Variants in SUCLG2 observed in about 807,000 individuals in gnomAD.
SUCLG2 encodes succinate-CoA ligase GDP-forming subunit beta.
SUCLG2 carries 42 observed loss-of-function variants against 47.9 expected under a neutral mutation model. The observed-to-expected ratio is 0.88, with a 90% CI of 0.69 to 1.14. The LOEUF (loss-of-function observed/expected upper bound fraction) is 1.14. Among genes scored for constraint, SUCLG2 ranks in the 50% most tolerant of loss-of-function variants. SUCLG2 has a pLI of 0.00. For synonymous variants in SUCLG2, 195 were observed against 197.3 expected (o/e 0.99, Z 0.10); for missense variants, 571 against 525.9 (o/e 1.09, Z -0.84).
At chr3:67,364,548 C>A (rs976961210) in intron 10 of SUCLG2, among the ~76,000 whole-genome samples, 1 of 152,102 alleles carries the variant, frequency 6.6e-6, no homozygotes, top group Non-Finnish European at 1.5e-5. Flanking sequence ...TCAGTGGAGG[C>A]GTAATGAAAA....
At chr3:67,506,414 C>A (rs1256168220) in intron 7 of SUCLG2, among the ~76,000 whole-genome samples, 1 of 152,064 alleles carries the variant, frequency 6.6e-6, no homozygotes, top group Non-Finnish European at 1.5e-5. Context: ...TAATTTTGCT[C>A]TTAAAAATAT....
rs762900833 is a variant in SUCLG2, at chr3:67,549,076, G to A, written c.227-19890C>T. The stretch of plus-strand genomic sequence containing the variant: ...TTATATATAAGTTTTTTATAGTAAT[G>A]ATGTTGTGTAAGCTCAGTGGAAATT... On this transcript the variant is annotated intron_variant, in intron 2 of 10. Transcript: ENST00000307227. Among the ~76,000 whole-genome samples, 12 of 152,256 alleles carry A rather than the reference G, an allele frequency of 7.9e-5. No individual in the cohort carries two copies. In the South Asian group the frequency reaches 8.3e-4, roughly 11 times the overall value.
At chr3:67,408,792 A>G in intron 9 of SUCLG2, 1 of 1,347,080 alleles carries the variant, frequency 7.4e-7, no homozygotes, top group East Asian at 2.7e-5. Context: ...TTCCCTGGTA[A>G]ATAAACTCAA....
Position 67,654,565 on chromosome 3 carries a change from G to C in SUCLG2, c.22C>G (p.Gln8Glu), listed in dbSNP as rs767287265. ...AGGGCTCGCAGAAGCTTCCCGGCCT[G>C]CGCTGCTACGGGGGACGCCATCTTA... MASPVAAQAGKLLRALAL... is the reference protein window; with the variant it reads MASPVAAEAGKLLRALAL... The change falls in exon 1 of 11, where the codon CAG becomes GAG. Residue 8 changes from glutamine (Q) to glutamate (E), a missense_variant. By Grantham distance (29) the Gln-to-Glu change is conservative (BLOSUM62 2). Transcript: ENST00000307227. 7 of 1,273,798 alleles carry C rather than the reference G, an allele frequency of 5.5e-6. No individual in the cohort carries two copies. The highest frequency in any genetic ancestry group is 6.0e-6 in the Non-Finnish European group (6 of 1,007,254). The allele number at this position is 1,273,798 out of a possible 1,614,324, so 78.9% of individuals were successfully genotyped here. A position where few individuals can be genotyped will look rare whatever the true frequency, so the allele number is the denominator to read the frequency against.
intron 9 of SUCLG2, among the ~76,000 whole-genome samples, chr3:67,423,712 C>T (rs1423542060): frequency 6.6e-6 from 1 of 152,178 alleles, no homozygotes; most frequent in Non-Finnish European, 1.5e-5. Context: ...CTTATTTCCG[C>T]TATTTTAAAA....
chr3:67,493,838 A>G (rs1201229415), intron 9 of SUCLG2, among the ~76,000 whole-genome samples: 1 of 152,230 alleles, frequency 6.6e-6, no homozygotes, highest in Non-Finnish European at 1.5e-5. Flanking sequence ...GTGAATTAAT[A>G]CATGATTAGA....
chr3:67,446,529 C>T (rs1703931465), intron 9 of SUCLG2, among the ~76,000 whole-genome samples: 1 of 140,302 alleles, frequency 7.1e-6, no homozygotes, highest in African/African-American at 2.7e-5. Context: ...CTCCCGGGTT[C>T]AGGGATTCTC....
In SUCLG2 at chr3:67,444,278, G is replaced by A. The variant is rs1381152947; in HGVS notation, c.1063-43427C>T. Among the ~76,000 whole-genome samples, 426 of 71,870 alleles carry A rather than the reference G, an allele frequency of 5.9e-3. 7 individuals are homozygous for A. Among genetic ancestry groups the A allele is most frequent in the African/African-American group, 0.02 (404 of 19,748 alleles). The allele number at this position is 71,870 out of a possible 152,430, so 47.1% of individuals were successfully genotyped here. A position where few individuals can be genotyped will look rare whatever the true frequency, so the allele number is the denominator to read the frequency against. On this transcript the variant is annotated intron_variant, in intron 9 of 10. Coordinates refer to ENST00000307227, the MANE Select transcript of SUCLG2 (RefSeq NM_003848.4). ...GCCCGGCCAGCCACCCCGTCCAGGA[G>A]GGAGATGGGGGGGTCAGCCCTCCCA... is the stretch of plus-strand genomic sequence containing the variant.
intron 9 of SUCLG2, among the ~76,000 whole-genome samples, chr3:67,428,725 A>T (rs1280898894): frequency 6.6e-6 from 1 of 152,218 alleles, no homozygotes; most frequent in Non-Finnish European, 1.5e-5. Context: ...CAAATGGCTA[A>T]CTAGAATAAA....
intron 6 of SUCLG2, among the ~76,000 whole-genome samples, chr3:67,516,512 C>G (rs9871515): frequency 3.1e-4 from 47 of 152,322 alleles, no homozygotes; most frequent in African/African-American, 9.9e-4. Context: ...GCAGATTTTG[C>G]CCACTCCAGA....
chr3:67,621,225 G>C (rs1385045696), intron 1 of SUCLG2, among the ~76,000 whole-genome samples: 1 of 152,072 alleles, frequency 6.6e-6, no homozygotes, highest in Non-Finnish European at 1.5e-5. Context: ...CTAGACTATA[G>C]AGAAGGGCAG....
intron 2 of SUCLG2, among the ~76,000 whole-genome samples, chr3:67,564,346 G>C (rs1311291661): frequency 6.6e-6 from 1 of 151,870 alleles, no homozygotes; most frequent in African/African-American, 2.4e-5. Flanking sequence ...TACTCACTCT[G>C]ATCTTTACCT....
intron 2 of SUCLG2, among the ~76,000 whole-genome samples, chr3:67,603,063 A>G (rs539128658): frequency 5.9e-5 from 9 of 152,254 alleles, no homozygotes; most frequent in African/African-American, 2.2e-4. Context: ...TACCGCTTCA[A>G]CCTCTCATGG....
intron 2 of SUCLG2, among the ~76,000 whole-genome samples, chr3:67,579,106 C>A (rs777318003): frequency 1.1e-4 from 17 of 152,056 alleles, no homozygotes; most frequent in Non-Finnish European, 2.2e-4. Flanking sequence ...ATGTTATGTG[C>A]AATATCAGAA....
rs944329953 is a variant in SUCLG2, at chr3:67,594,329, C to T, written c.226+15126G>A. 5.3e-5 allele frequency among the ~76,000 whole-genome samples: 8 copies of T among 152,320 alleles called. 1 individual carries two copies. Among genetic ancestry groups the T allele is most frequent in the Admixed American group, 3.9e-4 (6 of 15,304 alleles). On this transcript the variant is annotated intron_variant, in intron 2 of 10. Transcript: ENST00000307227. ...AAGCCTTATATGATCTGGGCTCCAA[C>T]CCATTTGCCAGACCTCACCATACTA...
rs753950114 is a variant in SUCLG2, at chr3:67,518,251, C to CT, written c.655dup (p.Ser219LysfsTer12). 2 of 1,611,040 alleles carry CT rather than the reference C, an allele frequency of 1.2e-6. No homozygotes were observed. Among genetic ancestry groups the CT allele is most frequent in the South Asian group, 2.2e-5 (2 of 90,458 alleles). The stretch of plus-strand genomic sequence containing the variant: ...ATCCCCCAATGGCTTATATACCTGG[C>CT]TTTTCAAAGGCCCAACGAAGCCTAG... On this transcript the variant is annotated frameshift_variant, in exon 6 of 11. Coordinates refer to ENST00000307227, the MANE Select transcript of SUCLG2 (RefSeq NM_003848.4). LOFTEE classifies it high-confidence loss of function.
chr3:67,481,264 C>T (rs1243986842), intron 9 of SUCLG2, among the ~76,000 whole-genome samples: 3 of 152,192 alleles, frequency 2.0e-5, no homozygotes, highest in Admixed American at 6.5e-5. Flanking sequence ...CCTAAAACAG[C>T]TCACAAACAG....
intron 2 of SUCLG2, among the ~76,000 whole-genome samples, chr3:67,586,300 A>C (rs1415913216): frequency 6.6e-6 from 1 of 152,232 alleles, no homozygotes; most frequent in Non-Finnish European, 1.5e-5. Context: ...AGTTCAGTGA[A>C]TAGTACCAGT....
chr3:67,451,413 T>G (rs1479515043), intron 9 of SUCLG2, among the ~76,000 whole-genome samples: 1 of 152,192 alleles, frequency 6.6e-6, no homozygotes, highest in African/African-American at 2.4e-5. Context: ...ACAACCAAAA[T>G]GAGACTATTT....
Sources: gnomAD v4.1 joint callset for allele counts (sites outside exome capture counted in the v4.1 genomes callset) on GRCh38, gnomAD v4.1.1 for gene constraint, MANE v1.5 for transcripts, NCBI Gene and HGNC (gene_info 2026-07-23, HGNC 2026-07-21) for gene names.